The following ATP11B variants were observed in gnomAD, a reference collection of about 807,000 sequenced individuals.
The protein encoded by ATP11B is ATPase phospholipid transporting 11B (putative), also known as phospholipid-transporting ATPase IF.
ATP11B carries 81 observed loss-of-function variants against 157.8 expected under a neutral mutation model. The observed-to-expected ratio is 0.51, with a 90% CI of 0.43 to 0.62. The LOEUF (loss-of-function observed/expected upper bound fraction) is 0.62, where lower values mean the gene tolerates loss of function less well. ATP11B is among the 20% of genes least tolerant of loss of function. The pLI, the probability that ATP11B is intolerant of heterozygous loss-of-function variation, is 0.00. For missense variants in ATP11B, 1,165 were observed against 1,402.2 expected (o/e 0.83, Z 2.70); for synonymous variants, 451 against 469.4 (o/e 0.96, Z 0.51).
chr3:182,896,766 G>T lies in ATP11B; in HGVS notation c.3048+1G>T. On this transcript the variant is annotated splice_donor_variant, in intron 26 of 29. Coordinates refer to ENST00000323116, the MANE Select transcript of ATP11B (RefSeq NM_014616.3). LOFTEE classifies it high-confidence loss of function. ...CATGGTTATTACAGTCACAGTAAAG[G>T]TATGGTACTGAAATTAGAAATGTGG... 6.2e-7 allele frequency: 1 copy of T among 1,611,220 alleles called. No homozygotes were observed. The highest frequency in any genetic ancestry group is 8.5e-7 in the Non-Finnish European group (1 of 1,177,892).
At chr3:182,909,838 C>T (rs899743447) in intron 28 of ATP11B, among the ~76,000 whole-genome samples, 1 of 151,446 alleles carries the variant, frequency 6.6e-6, no homozygotes, top group Non-Finnish European at 1.5e-5. Context: ...CTGAGGTGGG[C>T]GGATTGTCTG....
chr3:182,798,919 T>G (rs1005941645), intron 1 of ATP11B, among the ~76,000 whole-genome samples: 1 of 152,264 alleles, frequency 6.6e-6, no homozygotes, highest in Non-Finnish European at 1.5e-5. Context: ...TTTTACCTTT[T>G]TTTAAATGTG....
intron 2 of ATP11B, among the ~76,000 whole-genome samples, chr3:182,822,541 A>C (rs1002450813): frequency 2.0e-5 from 3 of 152,180 alleles, no homozygotes; most frequent in Non-Finnish European, 2.9e-5. Flanking sequence ...GATTGGTTCC[A>C]AGTCTTTACT....
At chr3:182,825,440 C>T (rs6798485) in intron 2 of ATP11B, among the ~76,000 whole-genome samples, 2,182 of 152,102 alleles carry the variant, frequency 0.014, 52 homozygotes, top group African/African-American at 0.051. Flanking sequence ...TTTCTTTGGC[C>T]ATGTGTAGTG....
chr3:182,871,875 A>G (rs920741736), intron 17 of ATP11B, among the ~76,000 whole-genome samples: 2 of 150,590 alleles, frequency 1.3e-5, no homozygotes, highest in Non-Finnish European at 3.0e-5. Flanking sequence ...GAGTGCAGTG[A>G]TGCTATTTCG....
chr3:182,893,869 A>T (rs1723340140), intron 25 of ATP11B, among the ~76,000 whole-genome samples: 1 of 152,068 alleles, frequency 6.6e-6, no homozygotes, highest in African/African-American at 2.4e-5. Context: ...TTATGTTTTT[A>T]TTCTGACCAT....
intron 1 of ATP11B, among the ~76,000 whole-genome samples, chr3:182,818,519 T>C (rs1717107201): frequency 6.6e-6 from 1 of 152,188 alleles, no homozygotes; most frequent in Admixed American, 6.5e-5. Context: ...CTTAGGACTT[T>C]AAATAGTCTG....
chr3:182,840,685 CTCCCTTCGTCTT>C (rs1378488358), intron 7 of ATP11B, among the ~76,000 whole-genome samples: 3 of 152,174 alleles, frequency 2.0e-5, no homozygotes, highest in Non-Finnish European at 4.4e-5. Flanking sequence ...CACATCTCCT[CTCCCTTCGTCTT>C]TCTTCACCTC....
intron 1 of ATP11B, among the ~76,000 whole-genome samples, chr3:182,797,418 T>C (rs1715687938): frequency 6.6e-6 from 1 of 152,152 alleles, no homozygotes; most frequent in African/African-American, 2.4e-5. Context: ...TTAAAAAATG[T>C]AAAACCTGGC....
chr3:182,911,298 G>A (rs1402060306), intron 28 of ATP11B, among the ~76,000 whole-genome samples: 1 of 123,592 alleles, frequency 8.1e-6, no homozygotes, highest in Admixed American at 1.1e-4. Flanking sequence ...CCTTTAAGAT[G>A]TATTTTAAAT....
intron 7 of ATP11B, among the ~76,000 whole-genome samples, chr3:182,838,776 T>C (rs1718763548): frequency 6.7e-6 from 1 of 148,470 alleles, no homozygotes; most frequent in African/African-American, 2.5e-5. Flanking sequence ...CACATATATG[T>C]GCTATATATT....
At chr3:182,896,112 C>T (rs1051416757) in intron 25 of ATP11B, among the ~76,000 whole-genome samples, 13 of 152,138 alleles carry the variant, frequency 8.5e-5, no homozygotes, top group East Asian at 1.9e-4. Flanking sequence ...TGGGGTTCTG[C>T]GTGATTAATA....
chr3:182,920,964 A>G lies in ATP11B; in HGVS notation c.*2860A>G, dbSNP rs970533008. The stretch of plus-strand genomic sequence containing the variant: ...CAAATCAACCCTAGGAAATACTTGC[A>G]TTCTGCCCTACGGTTAGTACCAGGA... On this transcript the variant is annotated 3_prime_UTR_variant, in exon 30 of 30. Transcript: ENST00000323116. The G allele has an allele frequency of 3.3e-5, 5 of 152,290 alleles. No individual in the cohort carries two copies. Among genetic ancestry groups the G allele is most frequent in the African/African-American group, 9.6e-5 (4 of 41,460 alleles). 9.4% of individuals were successfully genotyped at this position (152,290 alleles called of 1,614,324 possible).
At chr3:182,837,963 A>G (rs987917707) in intron 7 of ATP11B, among the ~76,000 whole-genome samples, 29 of 152,250 alleles carry the variant, frequency 1.9e-4, no homozygotes, top group Non-Finnish European at 3.1e-4. Context: ...TTTTTACTCA[A>G]TAAGTGGTGG....
At chr3:182,898,968 T>C (rs1723758550) in intron 28 of ATP11B, among the ~76,000 whole-genome samples, 196 bp downstream of exon 28, 1 of 152,104 alleles carries the variant, frequency 6.6e-6, no homozygotes, top group Non-Finnish European at 1.5e-5. Flanking sequence ...TTATGACTAC[T>C]GATAAGTTAT....
At position 182,866,306 on chromosome 3, in the gene ATP11B, C is replaced by G; in HGVS notation, c.1482C>G (p.Leu494=). 1 of 1,609,090 alleles carries G rather than the reference C, an allele frequency of 6.2e-7. No homozygotes were observed. Among genetic ancestry groups the G allele is most frequent in the Non-Finnish European group, 8.5e-7 (1 of 1,177,022 alleles). ...ATCTCTTCTTTAAAGCAGTCAGTCT[C>G]TGTCACACTGTACAGATTAGCAATG... ...EHDLFFKAVS[L]CHTVQISNVQ... Residue 494 remains leucine, a synonymous_variant, in exon 14 of 30, where the codon CTC becomes CTG. Transcript: ENST00000323116.
intron 12 of ATP11B, among the ~76,000 whole-genome samples, chr3:182,862,137 G>A (rs1216891107): frequency 6.6e-6 from 1 of 151,896 alleles, no homozygotes; most frequent in African/African-American, 2.4e-5. Flanking sequence ...AAAATTAGCT[G>A]GGCGCAGTGG....
At chr3:182,912,478 A>G (rs1037165024) in intron 28 of ATP11B, among the ~76,000 whole-genome samples, 1 of 151,620 alleles carries the variant, frequency 6.6e-6, no homozygotes, top group Non-Finnish European at 1.5e-5. Flanking sequence ...GTCTGTAAAT[A>G]TCTTACAAAA....
intron 19 of ATP11B, 150 bp downstream of exon 19, chr3:182,874,165 G>A (rs1052225623): frequency 1.7e-5 from 11 of 646,408 alleles, no homozygotes; most frequent in African/African-American, 1.5e-4. Context: ...GAAATCCAAA[G>A]AAGAAGAATA....
Sources: gnomAD v4.1 joint callset for allele counts (sites outside exome capture counted in the v4.1 genomes callset) on GRCh38, gnomAD v4.1.1 for gene constraint, MANE v1.5 for transcripts, NCBI Gene and HGNC (gene_info 2026-07-23, HGNC 2026-07-21) for gene names.